The following EPHB1 variants were observed in gnomAD, a reference collection of about 807,000 sequenced individuals.
EPHB1 encodes EPH receptor B1, also known as ephrin type-B receptor 1.
In EPHB1, 30 loss-of-function variants were observed where a neutral mutation model predicts 94.4. The ratio of observed to expected loss-of-function variants is 0.32; its 90% CI spans 0.24 to 0.43. The LOEUF is 0.43. Among genes scored for constraint, EPHB1 ranks in the 20% least tolerant of loss-of-function variants. The pLI, the probability that EPHB1 is intolerant of heterozygous loss-of-function variation, is 1.00. For missense variants in EPHB1, 1,055 were observed against 1,308.3 expected, an observed-to-expected ratio of 0.81 and a Z score of 2.99; for synonymous variants, 522 against 489.1, an observed-to-expected ratio of 1.07 and a Z score of -0.89.
At chr3:134,874,969 C>G (rs1342030512) in intron 1 of EPHB1, among the ~76,000 whole-genome samples, 1 of 152,200 alleles carries the variant, frequency 6.6e-6, no homozygotes, top group Non-Finnish European at 1.5e-5. Context: ...TTGAGGGAGA[C>G]AGTCACTTTG....
intron 1 of EPHB1, among the ~76,000 whole-genome samples, chr3:134,897,472 C>G (rs1035383040): frequency 6.6e-6 from 1 of 152,142 alleles, no homozygotes; most frequent in Non-Finnish European, 1.5e-5. Flanking sequence ...TTAAGGCGCT[C>G]CTCACATCAC....
At chr3:134,803,687 T>G (rs1026813607) in intron 1 of EPHB1, among the ~76,000 whole-genome samples, 6 of 152,208 alleles carry the variant, frequency 3.9e-5, no homozygotes, top group African/African-American at 1.4e-4. Flanking sequence ...ATTTTACAGA[T>G]GAGGTAGCTG....
chr3:134,842,820 A>T (rs58687691), intron 1 of EPHB1, among the ~76,000 whole-genome samples: 2 of 152,116 alleles, frequency 1.3e-5, no homozygotes, highest in African/African-American at 4.8e-5. Context: ...CTTCTCCCCC[A>T]TGAAGCATGT....
intron 12 of EPHB1, among the ~76,000 whole-genome samples, chr3:135,210,733 C>T (rs1023355656): frequency 6.6e-6 from 1 of 152,206 alleles, no homozygotes; most frequent in African/African-American, 2.4e-5. Flanking sequence ...GTTCTCCAGA[C>T]TCTGAGTCCA....
intron 5 of EPHB1, among the ~76,000 whole-genome samples, chr3:135,142,465 G>A (rs1220967082): frequency 1.3e-5 from 2 of 152,166 alleles, no homozygotes; most frequent in Non-Finnish European, 2.9e-5. Context: ...TATGCCTAAG[G>A]TTTTGAGGAG....
chr3:135,140,391 C>T (rs564849178), intron 5 of EPHB1, among the ~76,000 whole-genome samples: 156 of 152,246 alleles, frequency 1.0e-3, no homozygotes, highest in African/African-American at 3.5e-3. Context: ...TCCAGATAGG[C>T]GTCTAGTTGG....
intron 2 of EPHB1, among the ~76,000 whole-genome samples, chr3:134,927,712 T>C (rs1178708399): frequency 6.6e-6 from 1 of 152,228 alleles, no homozygotes; most frequent in Non-Finnish European, 1.5e-5. Context: ...GAGGGAAACA[T>C]TCAAAGTCAA....
chr3:135,169,276 G>GAAAGAACATTGTTT (rs1941739692), intron 9 of EPHB1, among the ~76,000 whole-genome samples: 1 of 152,166 alleles, frequency 6.6e-6, no homozygotes, highest in African/African-American at 2.4e-5. Context: ...GAACATTGTT[G>GAAAGAACATTGTTT]GCCAGCTACA....
intron 12 of EPHB1, among the ~76,000 whole-genome samples, chr3:135,214,775 G>A (rs549276203): frequency 1.2e-4 from 18 of 152,208 alleles, no homozygotes; most frequent in Admixed American, 7.8e-4. Context: ...CACAAAATTC[G>A]GCCTTCATTC....
At chr3:134,965,548 A>G (rs1177607582) in intron 3 of EPHB1, among the ~76,000 whole-genome samples, 1 of 152,188 alleles carries the variant, frequency 6.6e-6, no homozygotes, top group Non-Finnish European at 1.5e-5. Context: ...CGCCTGGGTG[A>G]CAGAGTGAGA....
At chr3:135,089,381 G>T in intron 3 of EPHB1, among the ~76,000 whole-genome samples, 1 of 152,332 alleles carries the variant, frequency 6.6e-6, no homozygotes. Context: ...GGATTATTCT[G>T]AGTAACATAC....
rs144855925 is a variant in EPHB1 at position 134,946,089 on chromosome 3, A to AG, written c.124-5281dup. Among the ~76,000 whole-genome samples the AG allele has an allele frequency of 5.7e-3, 864 of 152,302 alleles. 3 individuals are homozygous for AG. The highest frequency in any genetic ancestry group is 0.02 in the African/African-American group (820 of 41,562). ...TGAGTCTGTGGCTCAGTGAAGGTCTAGAGATTCTCCCCTAAAGCATCGTTC... is the reference window on the plus strand; with the variant it reads ...TGAGTCTGTGGCTCAGTGAAGGTCTAGGAGATTCTCCCCTAAAGCATCGTTC... On this transcript the variant is annotated intron_variant, in intron 2 of 15. Transcript: ENST00000398015.
At chr3:135,038,279 G>A (rs1936712121) in intron 3 of EPHB1, among the ~76,000 whole-genome samples, 1 of 152,216 alleles carries the variant, frequency 6.6e-6, no homozygotes, top group Admixed American at 6.5e-5. Context: ...CTTTGAATCT[G>A]GGCTGGGCTG....
At chr3:135,133,149 T>C in intron 5 of EPHB1, 100 bp downstream of exon 5, 3 of 1,201,942 alleles carry the variant, frequency 2.5e-6, no homozygotes, top group Non-Finnish European at 3.5e-6. Context: ...GCCCGTGTAC[T>C]GTCAGGCCTC....
intron 1 of EPHB1, among the ~76,000 whole-genome samples, chr3:134,821,103 C>G (rs2036371876): frequency 6.6e-6 from 1 of 152,166 alleles, no homozygotes; most frequent in African/African-American, 2.4e-5. Context: ...GCCAATGTTT[C>G]AGTTTGAATC....
chr3:135,190,909 T>C (rs1276567100), intron 10 of EPHB1, among the ~76,000 whole-genome samples: 1 of 152,116 alleles, frequency 6.6e-6, no homozygotes, highest in Non-Finnish European at 1.5e-5. Flanking sequence ...TGGTCTGACC[T>C]CCAGCAGTTC....
chr3:134,886,911 C>A (rs1215325287), intron 1 of EPHB1, among the ~76,000 whole-genome samples: 1 of 152,048 alleles, frequency 6.6e-6, no homozygotes, highest in African/African-American at 2.4e-5. Flanking sequence ...GATTAAAATT[C>A]TGAATCACAC....
chr3:135,194,517 C>T (rs140122169), intron 11 of EPHB1, among the ~76,000 whole-genome samples: 22 of 152,188 alleles, frequency 1.4e-4, no homozygotes, highest in African/African-American at 5.1e-4. Flanking sequence ...ATATGAAGGC[C>T]GAAGTAAATG....
chr3:134,922,103 A>G (rs1386508596), intron 1 of EPHB1, among the ~76,000 whole-genome samples: 4 of 152,154 alleles, frequency 2.6e-5, no homozygotes, highest in African/African-American at 4.8e-5. Context: ...GAATCCCCAG[A>G]TCTCACAGCA....
Sources: allele counts gnomAD v4.1 joint callset (sites outside exome capture counted in the v4.1 genomes callset), GRCh38; gene constraint gnomAD v4.1.1; transcripts MANE v1.5; gene names NCBI Gene and HGNC (gene_info 2026-07-23, HGNC 2026-07-21).